Variants in RYR1 observed in about 807,000 individuals in gnomAD.
The protein encoded by RYR1 is central core disease of muscle.
RYR1 carries 342 observed loss-of-function variants against 583.5 expected under a neutral mutation model. The ratio of observed to expected loss-of-function variants is 0.59; its 90% CI spans 0.54 to 0.64. The LOEUF is 0.64. Among genes scored for constraint, RYR1 ranks in the 30% least tolerant of loss-of-function variants. The probability of loss-of-function intolerance (pLI) is 0.00; values close to 1 mark genes in which losing one functional copy is unlikely to be tolerated. For synonymous variants in RYR1, 2,791 were observed against 2,822.5 expected (o/e 0.99, Z 0.35); for missense variants, 6,032 against 6,917.2 (o/e 0.87, Z 4.54).
chr19:38,452,991 C>T lies in RYR1; in HGVS notation c.1417C>T (p.Arg473Cys), dbSNP rs1173762301. The T allele has an allele frequency of 2.5e-6, 4 of 1,613,848 alleles. No homozygotes were observed. The highest frequency in any genetic ancestry group is 2.5e-6 in the Non-Finnish European group (3 of 1,179,800). The change falls in exon 13 of 106, where the codon CGC becomes TGC. Residue 473 changes from arginine to cysteine, a missense_variant. By Grantham distance (180) the Arg-to-Cys change is radical. Transcript: ENST00000359596. ...GAGCAAGCTGCGAAGCCTGCGCAAC[C>T]GCCAGAGCCTCTTCCAGGAGGAGGT... Reference protein sequence around the residue: ...KQSKLRSLRNRQSLFQEEGML... With the variant: ...KQSKLRSLRNCQSLFQEEGML...
intron 20 of RYR1, 110 bp from the exon 21 acceptor site, chr19:38,463,313 G>T: frequency 1.2e-6 from 1 of 847,454 alleles, no homozygotes; most frequent in South Asian, 1.4e-5. Context: ...TGGTGGGAAA[G>T]GGGGTGCTGG....
At position 38,448,389 on chromosome 19, in the gene RYR1, C is replaced by T. The variant is rs1359626256; in HGVS notation, c.835C>T (p.Leu279Phe). The change falls in exon 10 of 106, where the codon CTC becomes TTC. Residue 279 changes from leucine to phenylalanine, a missense_variant. Transcript: ENST00000359596. ...GAGCCACCTGCGCTGGGGCCAGCCA[C>T]TCCGAGTCCGGCATGTCACTACCGG... ...SGSHLRWGQP[L>F]RVRHVTTGQY... is the part of the protein sequence containing the mutation. 3 of 1,611,768 alleles carry T rather than the reference C, an allele frequency of 1.9e-6. No individual in the cohort carries two copies. The highest frequency in any genetic ancestry group is 2.5e-6 in the Non-Finnish European group (3 of 1,180,014).
intron 17 of RYR1, 46 bp from the exon 18 acceptor site, chr19:38,458,005 C>T (rs1438164856): frequency 6.2e-7 from 1 of 1,605,808 alleles, no homozygotes; most frequent in Non-Finnish European, 8.5e-7. Flanking sequence ...TGGCTCTCCT[C>T]TCTGCCTCTC....
At chr19:38,490,399 C>T in intron 36 of RYR1, 123 bp downstream of exon 36, 1 of 974,438 alleles carries the variant, frequency 1.0e-6, no homozygotes, top group Non-Finnish European at 1.6e-6. Flanking sequence ...CCTAGTGATA[C>T]ATTTATCTCC....
Position 38,455,467 on chromosome 19 carries a change from C to A in RYR1, c.1593C>A (p.Gly531=). ...LYELLASLIR[G]NRSNCALFST... ...CCCCCTCAGCTTCTCTAATCCGTGG[C>A]AATCGTAGCAACTGTGCCCTCTTCT... Residue 531 remains glycine, a synonymous_variant, in exon 15 of 106, where the codon GGC becomes GGA. Transcript: ENST00000359596. The A allele has an allele frequency of 6.2e-7, 1 of 1,614,162 alleles. No homozygotes were observed. Among genetic ancestry groups the A allele is most frequent in the Non-Finnish European group, 8.5e-7 (1 of 1,180,036 alleles).
chr19:38,541,715 C>CAA (rs141230545), intron 84 of RYR1, among the ~76,000 whole-genome samples: 2 of 142,524 alleles, frequency 1.4e-5, no homozygotes, highest in African/African-American at 5.1e-5. Context: ...GACTGTATCT[C>CAA]AAAAAAAAAA....
Position 38,499,529 on chromosome 19 carries a change from G to A in RYR1, c.7028-106G>A, listed in dbSNP as rs1040959850. 4.7e-5 allele frequency: 63 copies of A among 1,332,148 alleles called. No homozygotes were observed. The highest frequency in any genetic ancestry group is 6.2e-5 in the Non-Finnish European group (59 of 958,878). The allele number at this position is 1,332,148 out of a possible 1,614,324, so 82.5% of individuals were successfully genotyped here. A position where few individuals can be genotyped will look rare whatever the true frequency, so the allele number is the denominator to read the frequency against. ...ACCTCTGGAGGTGTTGGGTCCTGGA[G>A]CTGGATGGGACCTGTGTTACCCCTG... On this transcript the variant is annotated intron_variant, in intron 43 of 105. Transcript: ENST00000359596. The surrounding 1 kb of genome is among the most constrained non-coding windows in gnomAD (Gnocchi z 7.3).
rs1228971728 is a variant in RYR1, at chr19:38,570,604, CAG to C, written c.13660-1_13660del. The C allele has an allele frequency of 6.2e-7, 1 of 1,613,040 alleles. No individual in the cohort carries two copies. The highest frequency in any genetic ancestry group is 1.3e-5 in the African/African-American group (1 of 75,018). On this transcript the variant is annotated splice_acceptor_variant, in intron 93 of 105. Transcript: ENST00000359596. LOFTEE classifies it high-confidence loss of function. ...CTTTCTCTCTTTTTCTCTTCTCTCTCAGAACTACCTGTCCCGGAACTTTTACA... is the reference window on the plus strand; with the variant it reads ...CTTTCTCTCTTTTTCTCTTCTCTCTCAACTACCTGTCCCGGAACTTTTACA...
rs1972589062 is a variant in RYR1 at position 38,549,875 on chromosome 19, T to TGTGTG, written c.12282+1455_12282+1456insGTGTG. Among the ~76,000 whole-genome samples the TGTGTG allele has an allele frequency of 3.4e-4, 41 of 122,254 alleles. 1 individual carries two copies. Among genetic ancestry groups the TGTGTG allele is most frequent in the Admixed American group, 9.7e-4 (11 of 11,354 alleles). 80.2% of individuals were successfully genotyped at this position (122,254 alleles called of 152,430 possible). A position where few individuals can be genotyped will look rare whatever the true frequency, so the allele number is the denominator to read the frequency against. Reference sequence around the variant, plus strand: ...CACGCACCACCATGCCCAGCTAAATTTGTGTGTGTGTGTGTGTGTGTGTGT... The same window carrying TGTGTG: ...CACGCACCACCATGCCCAGCTAAATTGTGTGTGTGTGTGTGTGTGTGTGTGTGTGT... On this transcript the variant is annotated intron_variant, in intron 89 of 105. Transcript: ENST00000359596.
intron 47 of RYR1, 77 bp from the exon 48 acceptor site, chr19:38,502,430 C>A: frequency 7.2e-7 from 1 of 1,385,116 alleles, no homozygotes; most frequent in Non-Finnish European, 9.9e-7. Context: ...GATCCTTTGG[C>A]CACAGTCGCT....
rs1381892940 is a variant in RYR1, at chr19:38,543,495, C to T, written c.11779-37C>T. 1 of 1,614,122 alleles carries T rather than the reference C, an allele frequency of 6.2e-7. No homozygotes were observed. Among genetic ancestry groups the T allele is most frequent in the South Asian group, 1.1e-5 (1 of 91,082 alleles). The stretch of plus-strand genomic sequence containing the variant: ...TCGGGGGCTGCAGGGCCATGGTCGG[C>T]CCCAGCACCCCCTCACACCCTACCC... On this transcript the variant is annotated intron_variant, in intron 85 of 105. Coordinates refer to ENST00000359596, the MANE Select transcript of RYR1 (RefSeq NM_000540.3). This position sits in a 1 kb window ranked among gnomAD's most constrained non-coding sequence, Gnocchi z 4.4.
chr19:38,560,832 A>C (rs1013311055), intron 89 of RYR1, among the ~76,000 whole-genome samples: 1 of 151,556 alleles, frequency 6.6e-6, no homozygotes, highest in African/African-American at 2.4e-5. Context: ...CAGCCTTGGC[A>C]ACATAGGGAG....
At chr19:38,526,664 C>G (rs1288999008) in intron 71 of RYR1, among the ~76,000 whole-genome samples, 2 of 151,788 alleles carry the variant, frequency 1.3e-5, no homozygotes. Context: ...TCAAAGACTC[C>G]CTGCCCCACT....
chr19:38,518,136 CAAAAG>C (rs1288785388), intron 66 of RYR1, among the ~76,000 whole-genome samples: 1 of 148,152 alleles, frequency 6.7e-6, no homozygotes, highest in Non-Finnish European at 1.5e-5. Flanking sequence ...ACAAACAAAA[CAAAAG>C]GAAAGAAAGA....
At chr19:38,545,083 A>G (rs909596635) in intron 87 of RYR1, among the ~76,000 whole-genome samples, 24 of 152,200 alleles carry the variant, frequency 1.6e-4, no homozygotes, top group African/African-American at 5.8e-4. Flanking sequence ...AGAAAAAAAA[A>G]AACCTGAGAT....
chr19:38,563,126 T>G (rs1178200432), intron 90 of RYR1, among the ~76,000 whole-genome samples: 1 of 152,176 alleles, frequency 6.6e-6, no homozygotes, highest in Admixed American at 6.5e-5. Context: ...AAACACTCTT[T>G]GCCTTAGTGC....
rs193922840 is a variant in RYR1, at chr19:38,543,405, T to G, written c.11748T>G (p.Ile3916Met). ...ACACGACCACTATTAACATCATCATTTGCACTGTGGACTACCTCCTGCGGC... is the reference window on the plus strand; with the variant it reads ...ACACGACCACTATTAACATCATCATGTGCACTGTGGACTACCTCCTGCGGC... The part of the protein sequence containing the change: ...TGNTTTINII[I>M]CTVDYLLRLQ... Residue 3916 changes from isoleucine (I) to methionine (M), a missense_variant, in exon 85 of 106, where the codon ATT becomes ATG. Physicochemically the swap from Ile to Met is conservative, Grantham distance 10 (BLOSUM62 1). Coordinates refer to ENST00000359596, the MANE Select transcript of RYR1 (RefSeq NM_000540.3). The surrounding 1 kb of genome is among the most constrained non-coding windows in gnomAD (Gnocchi z 4.4). The G allele has an allele frequency of 6.2e-7, 1 of 1,614,230 alleles. No individual in the cohort carries two copies. The highest frequency in any genetic ancestry group is 8.5e-7 in the Non-Finnish European group (1 of 1,180,034).
Position 38,536,747 on chromosome 19 carries a change from C to T in RYR1, c.11591-3C>T. On this transcript the variant is annotated splice_polypyrimidine_tract_variant and splice_region_variant and intron_variant, in intron 82 of 105. Coordinates refer to ENST00000359596, the MANE Select transcript of RYR1 (RefSeq NM_000540.3). Reference sequence around the variant, plus strand: ...CCTCCTCCCATCCTGTTGGCTGCCCCAGTCATCAATCGCCAGAACGGTAAT... The same window carrying T: ...CCTCCTCCCATCCTGTTGGCTGCCCTAGTCATCAATCGCCAGAACGGTAAT... 1 of 1,613,950 alleles carries T rather than the reference C, an allele frequency of 6.2e-7. No individual in the cohort carries two copies. Among genetic ancestry groups the T allele is most frequent in the Non-Finnish European group, 8.5e-7 (1 of 1,179,962 alleles).
At position 38,496,143 on chromosome 19, in the gene RYR1, T is replaced by C; in HGVS notation, c.6549-72T>C. On this transcript the variant is annotated intron_variant, in intron 39 of 105. Coordinates refer to ENST00000359596, the MANE Select transcript of RYR1 (RefSeq NM_000540.3). The surrounding 1 kb of genome is among the most constrained non-coding windows in gnomAD (Gnocchi z 4.8). ...GTGAGAGGGTCAAGAATGCCAACGC[T>C]GTCACAGTGGTGGCTATGGCCCTCT... is the stretch of plus-strand genomic sequence containing the variant. The C allele has an allele frequency of 8.1e-7, 1 of 1,230,142 alleles. No homozygotes were observed. The highest frequency in any genetic ancestry group is 1.2e-6 in the Non-Finnish European group (1 of 837,268). 76.2% of individuals were successfully genotyped at this position (1,230,142 alleles called of 1,614,324 possible).
Sources: gnomAD v4.1 joint callset for allele counts (sites outside exome capture counted in the v4.1 genomes callset) on GRCh38, gnomAD v4.1.1 for gene constraint, Gnocchi (gnomAD v3.1) non-coding constraint, MANE v1.5 for transcripts, NCBI Gene and HGNC (gene_info 2026-07-23, HGNC 2026-07-21) for gene names.